Variants in WDR62 observed in about 807,000 individuals in gnomAD.
The protein encoded by WDR62 is WD repeat-containing protein 62.
A neutral mutation model predicts 160.6 loss-of-function variants in WDR62; 112 were observed. The ratio of observed to expected loss-of-function variants is 0.70; its 90% CI spans 0.60 to 0.82. WDR62 has a LOEUF of 0.82. WDR62 is among the 40% of genes least tolerant of loss of function. WDR62 has a pLI of 0.00. For synonymous variants in WDR62, 792 were observed against 815.1 expected (o/e 0.97, Z 0.48); for missense variants, 1,819 against 1,983.8 (o/e 0.92, Z 1.58).
intron 20 of WDR62, 37 bp from the exon 21 acceptor site, chr19:36,096,990 T>G: frequency 6.3e-7 from 1 of 1,591,596 alleles, no homozygotes; most frequent in Non-Finnish European, 8.6e-7. Context: ...TTTGTTGGGT[T>G]GTTTGTCCTC....
chr19:36,099,362 A>C lies in WDR62; in HGVS notation c.2521-37A>C, dbSNP rs374196244. Reference sequence around the variant, plus strand: ...GTGTCGCTCCCTGCAGTGAGTGAGCACTCAGCCAGTTGCCTGACTGTCCGA... The same window carrying C: ...GTGTCGCTCCCTGCAGTGAGTGAGCCCTCAGCCAGTTGCCTGACTGTCCGA... On this transcript the variant is annotated intron_variant, in intron 21 of 31. Coordinates refer to ENST00000401500, the MANE Select transcript of WDR62 (RefSeq NM_001083961.2). The C allele has an allele frequency of 2.6e-5, 42 of 1,584,990 alleles. No individual in the cohort carries two copies. In the African/African-American group the frequency reaches 4.8e-4, roughly 18 times the overall value.
chr19:36,104,120 G>A, intron 30 of WDR62, 139 bp downstream of exon 30: 2 of 1,170,282 alleles, frequency 1.7e-6, no homozygotes, highest in Non-Finnish European at 2.5e-6. Context: ...AATATTTAAT[G>A]AGCATTACAT....
At position 36,091,216 on chromosome 19, in the gene WDR62, C is replaced by T. The variant is rs764738738; in HGVS notation, c.2051C>T (p.Ser684Leu). 6.2e-7 allele frequency: 1 copy of T among 1,612,708 alleles called. No homozygotes were observed. Among genetic ancestry groups the T allele is most frequent in the Admixed American group, 1.7e-5 (1 of 60,028 alleles). Residue 684 changes from serine to leucine, a missense_variant, in exon 17 of 32, where the codon TCA (serine) becomes TTA (leucine). Around this residue, in one of 3 missense-constraint regions of WDR62, gnomAD observed 934 missense variants for 1,157.2 expected, o/e 0.81. Transcript: ENST00000401500. ...GSLLKVHVDP[S>L]GTFLATSCSD... Reference sequence around the variant, plus strand: ...TCCTGGCAGGTCCATGTGGACCCCTCAGGCACCTTCCTGGCCACCAGCTGC... The same window carrying T: ...TCCTGGCAGGTCCATGTGGACCCCTTAGGCACCTTCCTGGCCACCAGCTGC...
At chr19:36,057,190 T>A (rs2145503396) in intron 1 of WDR62, among the ~76,000 whole-genome samples, 1 of 152,240 alleles carries the variant, frequency 6.6e-6, no homozygotes, top group Non-Finnish European at 1.5e-5. Context: ...TCTCATAGGG[T>A]ATTTGTGAGG....
chr19:36,104,049 AAGATGG>A, intron 30 of WDR62, 68 bp downstream of exon 30: 1 of 1,581,436 alleles, frequency 6.3e-7, no homozygotes, highest in Non-Finnish European at 8.6e-7. Flanking sequence ...CTCAGCTCCA[AAGATGG>A]ATACTTGACC....
In WDR62 at chr19:36,055,270, A is replaced by G. The variant is rs1044104279; in HGVS notation, c.177+122A>G. 2.6e-5 allele frequency: 28 copies of G among 1,079,206 alleles called. 1 individual carries two copies. The highest frequency in any genetic ancestry group is 1.6e-4 in the East Asian group (6 of 38,110). 66.9% of individuals were successfully genotyped at this position (1,079,206 alleles called of 1,614,324 possible). A position where few individuals can be genotyped will look rare whatever the true frequency, so the allele number is the denominator to read the frequency against. On this transcript the variant is annotated intron_variant, in intron 1 of 31. Transcript: ENST00000401500. ...CAGTCCCCTCAGGTTGTTCCCTGCC[A>G]TGCCTCGTCCCCTAACCCCCGCCCC...
chr19:36,066,539 C>G lies in WDR62; in HGVS notation c.561+112C>G, dbSNP rs1186457694. 6.7e-6 allele frequency: 8 copies of G among 1,199,772 alleles called. No homozygotes were observed. In the Admixed American group the frequency reaches 1.6e-4, roughly 24 times the overall value. 74.3% of individuals were successfully genotyped at this position (1,199,772 alleles called of 1,614,324 possible). A position where few individuals can be genotyped will look rare whatever the true frequency, so the allele number is the denominator to read the frequency against. On this transcript the variant is annotated intron_variant, in intron 5 of 31. Coordinates refer to ENST00000401500, the MANE Select transcript of WDR62 (RefSeq NM_001083961.2). ...CGCAGTAAAGTGCTCACTCACCCAA[C>G]AGATAACAGCTATTGAGCACCTGTG...
intron 15 of WDR62, 62 bp downstream of exon 15, chr19:36,089,368 C>T: frequency 6.2e-7 from 1 of 1,613,462 alleles, no homozygotes; most frequent in Non-Finnish European, 8.5e-7. Flanking sequence ...TGTCTGCTTT[C>T]CTCCCTCTGT....
chr19:36,069,113 G>A (rs1376222528), intron 7 of WDR62, among the ~76,000 whole-genome samples: 2 of 151,426 alleles, frequency 1.3e-5, no homozygotes, highest in Non-Finnish European at 3.0e-5. Flanking sequence ...GCGGCTGGCC[G>A]GGCGGGGGCT....
At chr19:36,089,387 T>A (rs962452447) in intron 15 of WDR62, 81 bp downstream of exon 15, 3 of 1,609,974 alleles carry the variant, frequency 1.9e-6, no homozygotes, top group Non-Finnish European at 1.7e-6. Flanking sequence ...GTTCCTCTGG[T>A]CCCCAAGAAG....
chr19:36,081,294 CTTGT>C, intron 9 of WDR62, 135 bp from the exon 10 acceptor site: 1 of 1,024,580 alleles, frequency 9.8e-7, no homozygotes, highest in Non-Finnish European at 1.5e-6. Context: ...CTTTTTTTTT[CTTGT>C]TTATTTTTAG....
chr19:36,057,283 AT>A (rs1392925432), intron 1 of WDR62, among the ~76,000 whole-genome samples: 1 of 152,182 alleles, frequency 6.6e-6, no homozygotes, highest in African/African-American at 2.4e-5. Context: ...TAATACTGAT[AT>A]TATGACTGTG....
rs1464366069 is a variant in WDR62 at position 36,091,391 on chromosome 19, T to G, written c.2147-11T>G. On this transcript the variant is annotated splice_polypyrimidine_tract_variant and intron_variant, in intron 17 of 31. Transcript: ENST00000401500. ...CCGAAGGCAAGTGCAGCCTCTCTGCTTTGTTTGCAGAAATTATTACCAGCA... is the reference window on the plus strand; with the variant it reads ...CCGAAGGCAAGTGCAGCCTCTCTGCGTTGTTTGCAGAAATTATTACCAGCA... 1.3e-6 allele frequency: 2 copies of G among 1,543,492 alleles called. No individual in the cohort carries two copies. Among genetic ancestry groups the G allele is most frequent in the African/African-American group, 2.8e-5 (2 of 72,412 alleles).
rs924844578 is a variant in WDR62, at chr19:36,067,399, C to T, written c.655C>T (p.Arg219Cys). The T allele has an allele frequency of 3.1e-6, 5 of 1,614,114 alleles. No homozygotes were observed. Among genetic ancestry groups the T allele is most frequent in the African/African-American group, 2.7e-5 (2 of 74,924 alleles). Residue 219 changes from arginine to cysteine, a missense_variant, in exon 6 of 32, where the codon CGC (arginine) becomes TGC (cysteine). Physicochemically the swap from Arg to Cys is radical, Grantham distance 180 (BLOSUM62 -3). This residue lies in a region of WDR62 where 934 missense variants were observed against 1,157.2 expected (regional missense o/e 0.81). Transcript: ENST00000401500. ...DSSYFVTVGN[R>C]HVRFWFLEVS... Reference sequence around the variant, plus strand: ...CAGCTATTTTGTCACTGTTGGGAACCGCCATGTGAGGTTCTGGTTCTTGGA... The same window carrying T: ...CAGCTATTTTGTCACTGTTGGGAACTGCCATGTGAGGTTCTGGTTCTTGGA...
At chr19:36,060,913 A>G (rs528310945) in intron 3 of WDR62, 2 of 152,380 alleles carry the variant, frequency 1.3e-5, no homozygotes, top group African/African-American at 4.8e-5. Flanking sequence ...TGGGTTTTAG[A>G]AAGATCCCTT....
chr19:36,059,126 G>T, intron 2 of WDR62: 1 of 633,004 alleles, frequency 1.6e-6, no homozygotes, highest in Non-Finnish European at 3.0e-6. Flanking sequence ...GGGAAAGACA[G>T]GTGATTAAAG....
At chr19:36,106,231 T>C (rs1973709017), downstream of WDR62, among the ~76,000 whole-genome samples, 1 of 152,058 alleles carries the variant, frequency 6.6e-6, no homozygotes, top group South Asian at 2.1e-4. Context: ...TGGGGTGTGG[T>C]GGTGCACACC....
At position 36,090,534 on chromosome 19, in the gene WDR62, G is replaced by A; in HGVS notation, c.2034+14G>A. On this transcript the variant is annotated intron_variant, in intron 16 of 31. Coordinates refer to ENST00000401500, the MANE Select transcript of WDR62 (RefSeq NM_001083961.2). The stretch of plus-strand genomic sequence containing the variant: ...TCCTTGCTGAAGGTGAGGAGTTGGA[G>A]ACCCCTGTCTGTCTGCTGCCCTGAT... 1 of 1,613,692 alleles carries A rather than the reference G, an allele frequency of 6.2e-7. No individual in the cohort carries two copies. The highest frequency in any genetic ancestry group is 8.5e-7 in the Non-Finnish European group (1 of 1,179,648).
downstream of WDR62, chr19:36,105,239 GTTCAGGAAC>G (rs1486691581): frequency 4.7e-6 from 3 of 642,940 alleles, no homozygotes; most frequent in African/African-American, 5.5e-5. Context: ...CTCCCAAGAA[GTTCAGGAAC>G]TGCAGCCATG....
Sources: allele counts gnomAD v4.1 joint callset (sites outside exome capture counted in the v4.1 genomes callset), GRCh38; gene constraint gnomAD v4.1.1; regional missense constraint gnomAD v4.1.1; transcripts MANE v1.5; gene names NCBI Gene and HGNC (gene_info 2026-07-23, HGNC 2026-07-21).